Variants in CLYBL observed in about 807,000 individuals in gnomAD.
CLYBL encodes citramalyl-CoA lyase.
In CLYBL, 31 loss-of-function variants were observed where a neutral mutation model predicts 38.9. That is an observed-to-expected ratio of 0.80 (90% CI 0.60 to 1.08). CLYBL has a LOEUF of 1.08. Among genes scored for constraint, CLYBL ranks in the 50% least tolerant of loss-of-function variants. The pLI, the probability that CLYBL is intolerant of heterozygous loss-of-function variation, is 0.00. For synonymous variants in CLYBL, 171 were observed against 158.6 expected (o/e 1.08, Z -0.59); for missense variants, 434 against 411.6 (o/e 1.05, Z -0.47).
intron 2 of CLYBL, among the ~76,000 whole-genome samples, chr13:99,779,421 C>CGAGCCAGGGATTACAGGCGT (rs2049593065): frequency 6.6e-6 from 1 of 151,994 alleles, no homozygotes; most frequent in Non-Finnish European, 1.5e-5. Flanking sequence ...ATTACAGGCG[C>CGAGCCAGGGATTACAGGCGT]GAGCCACCGT....
intron 1 of CLYBL, among the ~76,000 whole-genome samples, chr13:99,763,783 G>A (rs1274232323): frequency 2.6e-5 from 4 of 151,938 alleles, no homozygotes; most frequent in Admixed American, 1.3e-4. Flanking sequence ...TCAAACTCCC[G>A]ACCTCATGAT....
At chr13:99,734,208 C>T (rs2048632821) in intron 1 of CLYBL, among the ~76,000 whole-genome samples, 1 of 152,092 alleles carries the variant, frequency 6.6e-6, no homozygotes, top group Non-Finnish European at 1.5e-5. Context: ...CCTCATTCCC[C>T]TCTCTTCCCC....
At chr13:99,685,567 C>A (rs936402107) in intron 1 of CLYBL, among the ~76,000 whole-genome samples, 3 of 152,102 alleles carry the variant, frequency 2.0e-5, no homozygotes, top group African/African-American at 7.2e-5. Flanking sequence ...TAAGCATCAT[C>A]GGAGCAAAAC....
At chr13:99,883,518 CA>C (rs199528877) in intron 7 of CLYBL, among the ~76,000 whole-genome samples, 36,721 of 130,730 alleles carry the variant, frequency 0.28, 4,661 homozygotes, top group East Asian at 0.42. Flanking sequence ...GACTCCATCT[CA>C]AAAAAAAAAA....
downstream of CLYBL, among the ~76,000 whole-genome samples, chr13:99,899,573 T>C (rs1354034778): frequency 6.6e-6 from 1 of 152,098 alleles, no homozygotes; most frequent in Non-Finnish European, 1.5e-5. Context: ...TTTTGCAAGA[T>C]GAAAAAAGTT....
At chr13:99,670,030 T>TAAA (rs34452564) in intron 1 of CLYBL, among the ~76,000 whole-genome samples, 1 of 148,372 alleles carries the variant, frequency 6.7e-6, no homozygotes, top group East Asian at 2.0e-4. Context: ...CCGTCTCTAT[T>TAAA]AAAAAAAAAA....
intron 1 of CLYBL, among the ~76,000 whole-genome samples, chr13:99,645,541 T>A (rs2047165387): frequency 6.6e-6 from 1 of 151,958 alleles, no homozygotes; most frequent in African/African-American, 2.4e-5. Context: ...GTGTGATATC[T>A]TACCGTAGTT....
At chr13:99,808,670 A>G (rs1049212020) in intron 2 of CLYBL, among the ~76,000 whole-genome samples, 17 of 152,340 alleles carry the variant, frequency 1.1e-4, no homozygotes, top group African/African-American at 4.1e-4. Flanking sequence ...TTGTTTAGAT[A>G]TATTCAACCT....
chr13:99,647,845 C>T (rs1302716920), intron 1 of CLYBL, among the ~76,000 whole-genome samples: 1 of 152,148 alleles, frequency 6.6e-6, no homozygotes, highest in African/African-American at 2.4e-5. Context: ...TTGACACTAG[C>T]AGTATGGGTG....
Position 99,680,283 on chromosome 13 carries a change from G to A in CLYBL, c.62+73526G>A, listed in dbSNP as rs370819981. Reference sequence around the variant, plus strand: ...TCTGTGGTTTTGCCTGCAAGTCTTCGATGATGCAGTCCACCCTTCCATAAA... The same window carrying A: ...TCTGTGGTTTTGCCTGCAAGTCTTCAATGATGCAGTCCACCCTTCCATAAA... On this transcript the variant is annotated intron_variant, in intron 1 of 8. Transcript: ENST00000339105. Among the ~76,000 whole-genome samples the A allele has an allele frequency of 5.3e-5, 8 of 152,194 alleles. No individual in the cohort carries two copies. The East Asian group carries it at 7.7e-4, about 15-fold the overall frequency.
intron 2 of CLYBL, among the ~76,000 whole-genome samples, chr13:99,817,654 C>CAAAAAAAAAAAAAA (rs1189248896): frequency 2.0e-5 from 1 of 49,092 alleles, no homozygotes; most frequent in Non-Finnish European, 4.1e-5. Flanking sequence ...GACTCTGTCT[C>CAAAAAAAAAAAAAA]AAAAAAAAAA....
At chr13:99,770,349 G>A (rs919742539) in intron 1 of CLYBL, among the ~76,000 whole-genome samples, 44 of 151,824 alleles carry the variant, frequency 2.9e-4, no homozygotes, top group African/African-American at 1.1e-3. Flanking sequence ...ACGGAGTCTC[G>A]CTCTGTCACC....
At chr13:99,684,035 A>ATTTT (rs778902077) in intron 1 of CLYBL, among the ~76,000 whole-genome samples, 23 of 86,366 alleles carry the variant, frequency 2.7e-4, no homozygotes, top group African/African-American at 6.3e-4. Flanking sequence ...TGCCTGGCTA[A>ATTTT]TTTTTTTTTT....
chr13:99,842,711 TTTA>T (rs200244161), intron 2 of CLYBL, among the ~76,000 whole-genome samples: 2,598 of 103,426 alleles, frequency 0.025, 69 homozygotes, highest in East Asian at 0.2. Flanking sequence ...AGCCCTTTTT[TTTA>T]AAAAAAAAAG....
chr13:99,728,022 G>C (rs1257414733), intron 1 of CLYBL, among the ~76,000 whole-genome samples: 1 of 152,100 alleles, frequency 6.6e-6, no homozygotes, highest in Non-Finnish European at 1.5e-5. Context: ...AGGTTGCAGT[G>C]AGCAGAGATC....
At position 99,841,091 on chromosome 13, in the gene CLYBL, G is replaced by A. The variant is rs112830998; in HGVS notation, c.250-17770G>A. ...GTGTTTCTGCTGAGAAACTGATTCCGGACTTAAGGTTTCTAATTTGGAACA... is the reference window on the plus strand; with the variant it reads ...GTGTTTCTGCTGAGAAACTGATTCCAGACTTAAGGTTTCTAATTTGGAACA... On this transcript the variant is annotated intron_variant, in intron 2 of 8. Transcript: ENST00000339105. Among the ~76,000 whole-genome samples the A allele has an allele frequency of 3.0e-3, 462 of 152,198 alleles. 2 individuals carry two copies. Among genetic ancestry groups the A allele is most frequent in the African/African-American group, 0.011 (448 of 41,528 alleles).
At chr13:99,747,250 T>G (rs940274306) in intron 1 of CLYBL, among the ~76,000 whole-genome samples, 1 of 109,228 alleles carries the variant, frequency 9.2e-6, no homozygotes, top group Admixed American at 1.1e-4. Flanking sequence ...CTTTTCCTCC[T>G]CCCCTCCTCC....
chr13:99,747,313 C>T (rs1304198687), intron 1 of CLYBL, among the ~76,000 whole-genome samples: 1 of 150,720 alleles, frequency 6.6e-6, no homozygotes, highest in Non-Finnish European at 1.5e-5. Flanking sequence ...CTCAGCTGCC[C>T]CCCTTCTCCT....
intron 2 of CLYBL, among the ~76,000 whole-genome samples, chr13:99,827,420 T>C (rs1490488540): frequency 6.6e-6 from 1 of 152,082 alleles, no homozygotes; most frequent in African/African-American, 2.4e-5. Context: ...AGCGTGGTCT[T>C]GTTGATGAGG....
Sources: gnomAD v4.1 joint callset for allele counts (sites outside exome capture counted in the v4.1 genomes callset) on GRCh38, gnomAD v4.1.1 for gene constraint, MANE v1.5 for transcripts, NCBI Gene and HGNC (gene_info 2026-07-23, HGNC 2026-07-21) for gene names.